Variants in NAV2 observed in about 807,000 individuals in gnomAD.
NAV2 encodes neuron navigator 2.
In NAV2, 54 loss-of-function variants were observed where a neutral mutation model predicts 223.2. That is an observed-to-expected ratio of 0.24 (90% CI 0.19 to 0.30). The LOEUF (loss-of-function observed/expected upper bound fraction) is 0.30, where lower values mean the gene tolerates loss of function less well. NAV2 is among the 10% of genes least tolerant of loss of function. The pLI, the probability that NAV2 is intolerant of heterozygous loss-of-function variation, is 1.00. For missense variants in NAV2, 2,806 were observed against 3,147.5 expected, an observed-to-expected ratio of 0.89 and a Z score of 2.60; for synonymous variants, 1,279 against 1,239.3, an observed-to-expected ratio of 1.03 and a Z score of -0.67.
At position 20,049,277 on chromosome 11, in the gene NAV2, C is replaced by T. The variant is rs185397587; in HGVS notation, c.4370+82C>T. 1,879 of 1,043,702 alleles carry T rather than the reference C, an allele frequency of 1.8e-3. 9 individuals are homozygous for T. The highest frequency in any genetic ancestry group is 1.8e-3 in the Non-Finnish European group (1,263 of 713,690). 64.7% of individuals were successfully genotyped at this position (1,043,702 alleles called of 1,614,324 possible). A position where few individuals can be genotyped will look rare whatever the true frequency, so the allele number is the denominator to read the frequency against. ...AGATTAGCTTAGGAATCCCAAATGT[C>T]GAATAGCCTTTGCCTGTAAGATTTC... is the stretch of plus-strand genomic sequence containing the variant. On this transcript the variant is annotated intron_variant, in intron 15 of 37. Coordinates refer to ENST00000349880, the MANE Select transcript of NAV2 (RefSeq NM_145117.5).
chr11:19,449,892 C>A (rs548613121), intron 1 of NAV2, among the ~76,000 whole-genome samples: 1 of 143,666 alleles, frequency 7.0e-6, no homozygotes, highest in Non-Finnish European at 1.5e-5. Flanking sequence ...CCTGAAGATT[C>A]GTGGCTTCAT....
intron 1 of NAV2, among the ~76,000 whole-genome samples, chr11:19,449,951 G>A (rs570732633): frequency 1.3e-5 from 2 of 151,598 alleles, no homozygotes; most frequent in East Asian, 3.9e-4. Context: ...GGGCAGCAAA[G>A]AGCCTTTATT....
chr11:19,892,839 C>T (rs1442311403), intron 6 of NAV2, among the ~76,000 whole-genome samples: 2 of 152,140 alleles, frequency 1.3e-5, no homozygotes, highest in Non-Finnish European at 2.9e-5. Context: ...CCCATAGACA[C>T]CCGGCTATGC....
At chr11:19,594,397 G>C (rs75655407) in intron 1 of NAV2, among the ~76,000 whole-genome samples, 1,720 of 150,572 alleles carry the variant, frequency 0.011, 52 homozygotes, top group African/African-American at 0.04. Flanking sequence ...TGCAAGGTTT[G>C]ATGGTAGCTG....
rs1036056140 is a variant in NAV2 at position 20,118,816 on chromosome 11, C to T, written c.*558C>T. ...GGGTGCTTGCTTTGGTCACGTTCAACGCACTACAGAGCTACGACACAGGGA... is the reference window on the plus strand; with the variant it reads ...GGGTGCTTGCTTTGGTCACGTTCAATGCACTACAGAGCTACGACACAGGGA... On this transcript the variant is annotated 3_prime_UTR_variant, in exon 38 of 38. Coordinates refer to ENST00000349880, the MANE Select transcript of NAV2 (RefSeq NM_145117.5). The T allele has an allele frequency of 3.8e-5, 6 of 155,922 alleles. No homozygotes were observed. The highest frequency in any genetic ancestry group is 2.0e-4 in the South Asian group (1 of 5,068). 9.7% of individuals were successfully genotyped at this position (155,922 alleles called of 1,614,324 possible).
chr11:19,706,167 T>C (rs1309799266), intron 1 of NAV2, among the ~76,000 whole-genome samples: 1 of 152,190 alleles, frequency 6.6e-6, no homozygotes, highest in Non-Finnish European at 1.5e-5. Context: ...GTGAAAGTAG[T>C]CACAGTCTAA....
chr11:19,588,560 C>T (rs867211344), intron 1 of NAV2, among the ~76,000 whole-genome samples: 7 of 152,272 alleles, frequency 4.6e-5, no homozygotes, highest in South Asian at 2.1e-4. Context: ...CCTATCAAGT[C>T]TAAGATCCTC....
intron 31 of NAV2, among the ~76,000 whole-genome samples, chr11:20,100,549 GT>G (rs2061563358): frequency 6.4e-4 from 5 of 7,830 alleles, no homozygotes; most frequent in Non-Finnish European, 3.1e-3. Flanking sequence ...CTAGAGGGGT[GT>G]GTGTGTGTGT....
At position 19,948,895 on chromosome 11, in the gene NAV2, C is replaced by A. The variant is rs759484045; in HGVS notation, c.2460C>A (p.Arg820=). 4 of 1,614,088 alleles carry A rather than the reference C, an allele frequency of 2.5e-6. No homozygotes were observed. The highest frequency in any genetic ancestry group is 3.4e-6 in the Non-Finnish European group (4 of 1,180,006). Residue 820 remains arginine (R), a synonymous_variant, in exon 10 of 38, where the codon CGC becomes CGA. Transcript: ENST00000349880. ...GGTTCATCAACACTGAGTCAGGTCGCTATGTGTACTCCGCCCCTCTGAGAA... is the reference window on the plus strand; with the variant it reads ...GGTTCATCAACACTGAGTCAGGTCGATATGTGTACTCCGCCCCTCTGAGAA... The part of the protein sequence containing the change: ...ASRFINTESG[R]YVYSAPLRRQ...
intron 1 of NAV2, among the ~76,000 whole-genome samples, chr11:19,361,948 C>A (rs1853977173): frequency 6.6e-6 from 1 of 151,906 alleles, no homozygotes; most frequent in Admixed American, 6.6e-5. Context: ...ATAATGATGC[C>A]CAAATATCAT....
At chr11:20,051,658 C>T (rs1391066068) in intron 17 of NAV2, among the ~76,000 whole-genome samples, 1 of 152,190 alleles carries the variant, frequency 6.6e-6, no homozygotes, top group Non-Finnish European at 1.5e-5. Context: ...TTCACCATGA[C>T]CATTCTGTTA....
chr11:19,738,430 G>A (rs1208947075), intron 1 of NAV2, among the ~76,000 whole-genome samples: 1 of 152,238 alleles, frequency 6.6e-6, no homozygotes, highest in Non-Finnish European at 1.5e-5. Context: ...ACACATCCAG[G>A]AGATGAAAAG....
intron 1 of NAV2, among the ~76,000 whole-genome samples, chr11:19,774,849 T>C (rs2056021177): frequency 6.6e-6 from 1 of 152,182 alleles, no homozygotes; most frequent in African/African-American, 2.4e-5. Flanking sequence ...CATCTCTCCT[T>C]GTACCATGAG....
At chr11:19,759,080 C>T (rs2054497054) in intron 1 of NAV2, among the ~76,000 whole-genome samples, 1 of 142,816 alleles carries the variant, frequency 7.0e-6, no homozygotes, top group African/African-American at 2.6e-5. Context: ...AACTTTGGAT[C>T]TGAAAGACAC....
At chr11:20,059,644 C>A (rs537013073) in intron 19 of NAV2, among the ~76,000 whole-genome samples, 1 of 152,226 alleles carries the variant, frequency 6.6e-6, no homozygotes, top group East Asian at 1.9e-4. Flanking sequence ...AAAGGCAGAG[C>A]GATCTCCGGA....
intron 6 of NAV2, among the ~76,000 whole-genome samples, chr11:19,896,470 A>G (rs1207466448): frequency 1.3e-5 from 2 of 152,018 alleles, no homozygotes; most frequent in African/African-American, 4.8e-5. Flanking sequence ...TTAAATAATT[A>G]CTTATAAAGC....
rs778100399 is a variant in NAV2 at position 20,095,692 on chromosome 11, T to C, written c.5937T>C (p.Phe1979=). ...CTTAGGATTCCAGACCACATCTCTT[T>C]CTTATTGGCTGCATTGGAGTTAGTG... The part of the protein sequence containing the change: ...KWKEDSRPHL[F]LIGCIGVSGK... Residue 1979 remains phenylalanine, a synonymous_variant, in exon 30 of 38, where the codon TTT becomes TTC. Transcript: ENST00000349880. The C allele has an allele frequency of 2.5e-6, 4 of 1,613,792 alleles. No homozygotes were observed. In the Admixed American group the frequency reaches 5.0e-5, roughly 20 times the overall value.
chr11:19,730,587 G>A (rs766341695), intron 1 of NAV2, among the ~76,000 whole-genome samples: 3 of 152,338 alleles, frequency 2.0e-5, no homozygotes, highest in Admixed American at 1.3e-4. Context: ...GACGTGCTCC[G>A]AAATGCCAGC....
chr11:19,718,183 CAT>C (rs1451824278), intron 1 of NAV2, among the ~76,000 whole-genome samples: 2 of 152,088 alleles, frequency 1.3e-5, no homozygotes, highest in African/African-American at 4.8e-5. Context: ...GCTCTGTTAA[CAT>C]GTGAATAAAT....
Sources: allele counts gnomAD v4.1 joint callset (sites outside exome capture counted in the v4.1 genomes callset), GRCh38; gene constraint gnomAD v4.1.1; transcripts MANE v1.5; gene names NCBI Gene and HGNC (gene_info 2026-07-23, HGNC 2026-07-21).